Variants in ERBB4 observed in about 807,000 individuals in gnomAD.
The protein encoded by ERBB4 is erb-b2 receptor tyrosine kinase 4.
ERBB4 carries 42 observed loss-of-function variants against 158.0 expected under a neutral mutation model. The observed-to-expected ratio is 0.27, with a 90% CI of 0.21 to 0.34. The LOEUF (loss-of-function observed/expected upper bound fraction) is 0.34. Among genes scored for constraint, ERBB4 ranks in the 10% least tolerant of loss-of-function variants. The probability of loss-of-function intolerance (pLI) is 1.00; values close to 1 mark genes in which losing one functional copy is unlikely to be tolerated. For missense variants in ERBB4, 1,333 were observed against 1,624.1 expected (o/e 0.82, Z 3.08); for synonymous variants, 583 against 558.7 (o/e 1.04, Z -0.61).
intron 25 of ERBB4, among the ~76,000 whole-genome samples, chr2:211,407,750 C>T (rs75401106): frequency 0.061 from 9,287 of 152,166 alleles, 325 homozygotes; most frequent in African/African-American, 0.094. Context: ...CTTTAGAACA[C>T]GCTGCTATGT....
chr2:212,098,520 A>G (rs544138890), intron 2 of ERBB4, among the ~76,000 whole-genome samples: 15 of 152,272 alleles, frequency 9.9e-5, no homozygotes, highest in African/African-American at 1.9e-4. Flanking sequence ...TGATGAAAGG[A>G]AACCCCCACT....
chr2:211,546,284 T>A (rs927483559), intron 20 of ERBB4, among the ~76,000 whole-genome samples: 3 of 152,142 alleles, frequency 2.0e-5, no homozygotes, highest in African/African-American at 4.8e-5. Context: ...AGTATATTGA[T>A]GTTTAAGGTG....
chr2:211,896,613 A>G (rs2079104580), intron 3 of ERBB4, among the ~76,000 whole-genome samples: 1 of 152,068 alleles, frequency 6.6e-6, no homozygotes, highest in South Asian at 2.1e-4. Context: ...TTGCATTTGT[A>G]GTCTTGAGAA....
At chr2:211,540,651 C>T (rs1331282621) in intron 20 of ERBB4, among the ~76,000 whole-genome samples, 2 of 151,724 alleles carry the variant, frequency 1.3e-5, no homozygotes, top group African/African-American at 4.8e-5. Flanking sequence ...GCAACCTTTG[C>T]CTCCAGGGTT....
chr2:212,296,304 G>A (rs1032962512), intron 1 of ERBB4, among the ~76,000 whole-genome samples: 1 of 151,746 alleles, frequency 6.6e-6, no homozygotes, highest in Non-Finnish European at 1.5e-5. Context: ...ATATGCCTGG[G>A]ATAATATAGG....
At chr2:212,353,111 C>T (rs1434970649) in intron 1 of ERBB4, among the ~76,000 whole-genome samples, 1 of 151,958 alleles carries the variant, frequency 6.6e-6, no homozygotes, top group South Asian at 2.1e-4. Context: ...GTGTCAAATG[C>T]AGCCGTCAGG....
intron 2 of ERBB4, among the ~76,000 whole-genome samples, chr2:212,021,290 A>G (rs1247335275): frequency 1.3e-5 from 2 of 152,096 alleles, no homozygotes; most frequent in Admixed American, 6.6e-5. Flanking sequence ...CTCAAAAGTG[A>G]CCCTTTAAAA....
At chr2:212,353,973 G>A (rs942635550) in intron 1 of ERBB4, among the ~76,000 whole-genome samples, 1 of 152,094 alleles carries the variant, frequency 6.6e-6, no homozygotes, top group Non-Finnish European at 1.5e-5. Flanking sequence ...CCACAGGATG[G>A]AGAAGAGTAG....
intron 2 of ERBB4, among the ~76,000 whole-genome samples, chr2:211,948,298 T>C (rs927834395): frequency 4.0e-5 from 6 of 151,728 alleles, no homozygotes; most frequent in Admixed American, 2.0e-4. Context: ...TAGCTGGGTG[T>C]GGTGGCAGGT....
chr2:211,843,504 T>C (rs565604412), intron 3 of ERBB4, among the ~76,000 whole-genome samples: 22 of 152,038 alleles, frequency 1.4e-4, no homozygotes, highest in Non-Finnish European at 2.4e-4. Context: ...CTGAGAAAGA[T>C]TGGTATTTTA....
At chr2:211,678,002 ATG>A (rs1222718506) in intron 13 of ERBB4, among the ~76,000 whole-genome samples, 2 of 152,198 alleles carry the variant, frequency 1.3e-5, no homozygotes, top group African/African-American at 4.8e-5. Flanking sequence ...GACAAGAATG[ATG>A]CATCAAATAG....
rs1020037144 is a variant in ERBB4 at position 211,767,777 on chromosome 2, T to C, written c.557-17073A>G. ...ATTACCTCCCACTGGGTCCCTCCTA[T>C]AACACACGGGGATTATGGGAACTAC... On this transcript the variant is annotated intron_variant, in intron 4 of 27. Coordinates refer to ENST00000342788, the MANE Select transcript of ERBB4 (RefSeq NM_005235.3). Among the ~76,000 whole-genome samples the C allele has an allele frequency of 4.6e-5, 7 of 152,138 alleles. 1 individual carries two copies. Among genetic ancestry groups the C allele is most frequent in the African/African-American group, 1.7e-4 (7 of 41,440 alleles).
At chr2:211,434,311 T>C (rs368758749) in intron 20 of ERBB4, among the ~76,000 whole-genome samples, 1 of 152,246 alleles carries the variant, frequency 6.6e-6, no homozygotes, top group East Asian at 1.9e-4. Context: ...GCCCCCAAAG[T>C]GATGGTGTTA....
chr2:212,059,019 C>T (rs2077673836), intron 2 of ERBB4, among the ~76,000 whole-genome samples: 1 of 152,170 alleles, frequency 6.6e-6, no homozygotes, highest in Admixed American at 6.5e-5. Flanking sequence ...TTGCAGATGA[C>T]ATGATTGTAT....
intron 2 of ERBB4, among the ~76,000 whole-genome samples, chr2:212,003,234 AAGGAAGGAAGGAAGGAAGGAAG>A (rs1232032535): frequency 8.2e-5 from 12 of 146,326 alleles, no homozygotes; most frequent in Non-Finnish European, 1.2e-4. Flanking sequence ...GGAAGGAAGG[AAGGAAGGAAGGAAGGAAGGAAG>A]GAAAGAGAGA....
intron 3 of ERBB4, among the ~76,000 whole-genome samples, chr2:211,835,331 T>C (rs1440728183): frequency 2.1e-5 from 2 of 95,000 alleles, no homozygotes; most frequent in Non-Finnish European, 4.8e-5. Context: ...TTCTCTACCA[T>C]GCCATTTTTC....
intron 1 of ERBB4, among the ~76,000 whole-genome samples, chr2:212,208,813 A>C (rs2082844307): frequency 6.6e-6 from 1 of 152,210 alleles, no homozygotes; most frequent in Non-Finnish European, 1.5e-5. Context: ...GAACGTATCT[A>C]ACCCCTTATT....
At chr2:212,472,091 C>A (rs138463664) in intron 1 of ERBB4, among the ~76,000 whole-genome samples, 1 of 151,788 alleles carries the variant, frequency 6.6e-6, no homozygotes, top group Non-Finnish European at 1.5e-5. Context: ...AAATCCAACA[C>A]GTCATCAATC....
At chr2:211,980,886 G>A (rs763267810) in intron 2 of ERBB4, among the ~76,000 whole-genome samples, 3 of 151,636 alleles carry the variant, frequency 2.0e-5, no homozygotes, top group African/African-American at 2.4e-5. Flanking sequence ...TTGAATTTTC[G>A]CCCCTTTCTT....
Sources: allele counts gnomAD v4.1 joint callset (sites outside exome capture counted in the v4.1 genomes callset), GRCh38; gene constraint gnomAD v4.1.1; transcripts MANE v1.5; gene names NCBI Gene and HGNC (gene_info 2026-07-23, HGNC 2026-07-21).